The following NTM variants were observed in gnomAD, a reference collection of about 807,000 sequenced individuals.
NTM encodes the protein neurotrimin.
NTM carries 13 observed loss-of-function variants against 42.1 expected under a neutral mutation model. That is an observed-to-expected ratio of 0.31 (90% confidence interval 0.20 to 0.49). NTM has a LOEUF of 0.49. Ranked by LOEUF, NTM falls within the 20% of genes least tolerant of loss-of-function variation. The pLI, the probability that NTM is intolerant of heterozygous loss-of-function variation, is 0.99. For synonymous variants in NTM, 187 were observed against 179.2 expected (o/e 1.04, Z -0.35); for missense variants, 373 against 452.8 (o/e 0.82, Z 1.60).
chr11:131,886,260 G>A lies in NTM; in HGVS notation c.83-25304G>A, dbSNP rs1425892098. On this transcript the variant is annotated intron_variant, in intron 1 of 8. Transcript: ENST00000683400. ...ATGGTTCACGCCATGAAAACCACCA[G>A]CTTCTATTTAATAAAACCAAGCCCC... 2.0e-5 allele frequency among the ~76,000 whole-genome samples: 3 copies of A among 152,136 alleles called. No individual in the cohort carries two copies. The South Asian group carries it at 6.2e-4, about 32-fold the overall frequency.
At chr11:131,641,135 A>G (rs1042874391) in intron 1 of NTM, among the ~76,000 whole-genome samples, 2 of 152,142 alleles carry the variant, frequency 1.3e-5, no homozygotes, top group Non-Finnish European at 2.9e-5. Context: ...CTCTGGTCAG[A>G]CTTGCATTCT....
chr11:131,830,500 TTC>T (rs1325488026), intron 1 of NTM, among the ~76,000 whole-genome samples: 2 of 152,158 alleles, frequency 1.3e-5, no homozygotes, highest in African/African-American at 4.8e-5. Context: ...TATTTCTGCA[TTC>T]TCTATTCTGT....
chr11:132,325,259 G>T (rs11223011), intron 7 of NTM, among the ~76,000 whole-genome samples: 2 of 149,296 alleles, frequency 1.3e-5, no homozygotes, highest in East Asian at 2.0e-4. Context: ...GAAAATTTTC[G>T]CAACCTACTC....
intron 7 of NTM, chr11:132,315,169 G>T: frequency 1.3e-6 from 1 of 781,070 alleles, no homozygotes; most frequent in Non-Finnish European, 1.6e-6. Flanking sequence ...GGGAATGTTT[G>T]CTATTTCAGT....
At chr11:131,496,331 T>C (rs318968) in intron 1 of NTM, among the ~76,000 whole-genome samples, 33,970 of 152,198 alleles carry the variant, frequency 0.22, 4,640 homozygotes, top group African/African-American at 0.38. Context: ...TGTCTGGTGA[T>C]GCTGCATCTG....
intron 1 of NTM, among the ~76,000 whole-genome samples, chr11:131,773,520 A>C (rs1238181979): frequency 1.3e-5 from 2 of 152,204 alleles, no homozygotes; most frequent in Non-Finnish European, 2.9e-5. Flanking sequence ...CCATATCATT[A>C]ATGGCCCCCA....
At chr11:132,102,981 T>C (rs1401811510) in intron 2 of NTM, among the ~76,000 whole-genome samples, 1 of 152,186 alleles carries the variant, frequency 6.6e-6, no homozygotes, top group African/African-American at 2.4e-5. Context: ...CAAATTGGAC[T>C]GGAAAGGCCA....
intron 1 of NTM, among the ~76,000 whole-genome samples, chr11:131,547,756 T>C (rs772933357): frequency 6.6e-6 from 1 of 152,204 alleles, no homozygotes; most frequent in Non-Finnish European, 1.5e-5. Flanking sequence ...AGTTCGCTTT[T>C]AGTTCTCTCC....
intron 2 of NTM, among the ~76,000 whole-genome samples, chr11:132,058,230 T>C (rs925319778): frequency 3.9e-5 from 6 of 152,162 alleles, no homozygotes; most frequent in African/African-American, 1.4e-4. Context: ...TTGCCTGTCC[T>C]TGCATTCTGA....
chr11:132,333,409 G>A (rs990666838), intron 8 of NTM, among the ~76,000 whole-genome samples: 1 of 152,164 alleles, frequency 6.6e-6, no homozygotes, highest in African/African-American at 2.4e-5. Context: ...AATGTGCTCT[G>A]TAGATGACAG....
At chr11:131,657,791 C>A (rs920647611) in intron 1 of NTM, among the ~76,000 whole-genome samples, 2 of 152,338 alleles carry the variant, frequency 1.3e-5, no homozygotes, top group Admixed American at 6.5e-5. Context: ...TCTTACAACT[C>A]ATTTTGCAGA....
chr11:131,555,643 C>A (rs534573434), intron 1 of NTM, among the ~76,000 whole-genome samples: 1 of 152,272 alleles, frequency 6.6e-6, no homozygotes, highest in African/African-American at 2.4e-5. Flanking sequence ...ATCAGATGGT[C>A]CCAGCTCAGT....
intron 1 of NTM, among the ~76,000 whole-genome samples, chr11:131,414,140 G>A (rs1211326776): frequency 1.3e-5 from 2 of 152,188 alleles, no homozygotes; most frequent in East Asian, 3.8e-4. Flanking sequence ...CAGAGAAAAG[G>A]AGGAGCAGGG....
intron 7 of NTM, among the ~76,000 whole-genome samples, chr11:132,328,896 G>A (rs2095742895): frequency 6.6e-6 from 1 of 152,016 alleles, no homozygotes; most frequent in African/African-American, 2.4e-5. Context: ...CAGGCACCAT[G>A]GCATCATCAC....
intron 1 of NTM, among the ~76,000 whole-genome samples, chr11:131,590,686 A>G (rs1239880312): frequency 1.3e-5 from 2 of 152,234 alleles, no homozygotes; most frequent in African/African-American, 2.4e-5. Flanking sequence ...GCTTTAGAAT[A>G]CTATTAAAAC....
intron 1 of NTM, among the ~76,000 whole-genome samples, chr11:131,827,566 A>T (rs189886751): frequency 1.3e-5 from 2 of 152,302 alleles, no homozygotes; most frequent in East Asian, 3.9e-4. Flanking sequence ...TTGTGGACAC[A>T]TTTTCAATGT....
At chr11:131,733,113 AT>A (rs1176403797) in intron 1 of NTM, among the ~76,000 whole-genome samples, 2 of 152,168 alleles carry the variant, frequency 1.3e-5, no homozygotes, top group African/African-American at 4.8e-5. Flanking sequence ...GTTGTTCATA[AT>A]TTTTTGTCTA....
At chr11:132,113,553 G>A (rs1439578618) in intron 2 of NTM, among the ~76,000 whole-genome samples, 1 of 152,094 alleles carries the variant, frequency 6.6e-6, no homozygotes, top group Non-Finnish European at 1.5e-5. Context: ...CGCCGCACCC[G>A]CTTCATCAAC....
intron 1 of NTM, among the ~76,000 whole-genome samples, chr11:131,604,327 A>T (rs2060742328): frequency 6.6e-6 from 1 of 152,134 alleles, no homozygotes; most frequent in South Asian, 2.1e-4. Flanking sequence ...TATTTGTATA[A>T]CTTTGGAGGT....
Sources: allele counts gnomAD v4.1 joint callset (sites outside exome capture counted in the v4.1 genomes callset), GRCh38; gene constraint gnomAD v4.1.1; transcripts MANE v1.5; gene names NCBI Gene and HGNC (gene_info 2026-07-23, HGNC 2026-07-21).